The following CHST11 variants were observed in gnomAD, a reference collection of about 807,000 sequenced individuals.
The protein encoded by CHST11 is C4S-1.
Under a neutral mutation model 30.4 loss-of-function variants are expected in CHST11, and 9 were observed. The observed-to-expected ratio is 0.30, with a 90% CI of 0.18 to 0.52. The LOEUF (loss-of-function observed/expected upper bound fraction) is 0.52. CHST11 is among the 20% of genes least tolerant of loss of function. CHST11 has a pLI of 0.97. For missense variants in CHST11, 348 were observed against 460.6 expected (o/e 0.76, Z 2.24); for synonymous variants, 152 against 187.8 (o/e 0.81, Z 1.56).
At chr12:104,521,936 G>A (rs1416520003) in intron 1 of CHST11, among the ~76,000 whole-genome samples, 6 of 152,058 alleles carry the variant, frequency 3.9e-5, no homozygotes, top group Non-Finnish European at 7.3e-5. Context: ...GAAATTGTTT[G>A]GCCTAGTTCC....
chr12:104,476,168 A>C (rs1372959456), intron 1 of CHST11, among the ~76,000 whole-genome samples: 1 of 141,990 alleles, frequency 7.0e-6, no homozygotes, highest in Non-Finnish European at 1.5e-5. Flanking sequence ...AAATAAATAG[A>C]ATTATAATTA....
chr12:104,716,991 G>A (rs1489391532), intron 2 of CHST11, among the ~76,000 whole-genome samples: 3 of 152,196 alleles, frequency 2.0e-5, no homozygotes, highest in South Asian at 2.1e-4. Flanking sequence ...CTCAGAGCCG[G>A]CAATGGCCAG....
chr12:104,759,879 T>C lies in CHST11; in HGVS notation c.*2076T>C, dbSNP rs1430617079. The C allele has an allele frequency of 6.6e-6, 1 of 152,250 alleles. No homozygotes were observed. Among genetic ancestry groups the C allele is most frequent in the African/African-American group, 2.4e-5 (1 of 41,466 alleles). The allele number at this position is 152,250 out of a possible 1,614,324, so 9.4% of individuals were successfully genotyped here. On this transcript the variant is annotated 3_prime_UTR_variant, in exon 3 of 3. Coordinates refer to ENST00000303694, the MANE Select transcript of CHST11 (RefSeq NM_018413.6). ...CCTTATTTCCAGGCAGAGAACACTG[T>C]CCTCAGAAATGGGACTTCTGATAAT...
At chr12:104,494,675 A>AT (rs1452353794) in intron 1 of CHST11, among the ~76,000 whole-genome samples, 19 of 152,226 alleles carry the variant, frequency 1.2e-4, no homozygotes. Flanking sequence ...CGAATTCAGA[A>AT]TAATAACTGT....
At chr12:104,661,436 G>A (rs1022004331) in intron 2 of CHST11, among the ~76,000 whole-genome samples, 4 of 152,258 alleles carry the variant, frequency 2.6e-5, no homozygotes, top group African/African-American at 9.6e-5. Flanking sequence ...TTAGCTGGAT[G>A]TGGTGGTATG....
rs142944191 is a variant in CHST11, at chr12:104,597,377, T to C, written c.119-4529T>C. 7.0e-3 allele frequency among the ~76,000 whole-genome samples: 1,068 copies of C among 152,204 alleles called. 7 individuals carry two copies. The highest frequency in any genetic ancestry group is 0.011 in the Non-Finnish European group (735 of 67,990). On this transcript the variant is annotated intron_variant, in intron 1 of 2. Coordinates refer to ENST00000303694, the MANE Select transcript of CHST11 (RefSeq NM_018413.6). ...TGTTGTGGCTAAATAAAACTCCCAG[T>C]GGGCGGGGTGGACAGCAGAAGCCTG...
intron 2 of CHST11, among the ~76,000 whole-genome samples, chr12:104,675,734 A>G (rs905974916): frequency 2.0e-4 from 31 of 152,236 alleles, no homozygotes; most frequent in African/African-American, 7.5e-4. Context: ...GGGATTAATA[A>G]CATTGCCATT....
chr12:104,587,879 A>T (rs1650132), intron 1 of CHST11, among the ~76,000 whole-genome samples: 1 of 143,450 alleles, frequency 7.0e-6, no homozygotes, highest in Non-Finnish European at 1.5e-5. Context: ...TCACTCTGTC[A>T]CCCGGGCTGG....
At chr12:104,705,884 C>T (rs1457354918) in intron 2 of CHST11, among the ~76,000 whole-genome samples, 1 of 151,308 alleles carries the variant, frequency 6.6e-6, no homozygotes, top group Non-Finnish European at 1.5e-5. Flanking sequence ...CGCACCACTG[C>T]CTGGGAGACA....
At chr12:104,728,990 C>A (rs545032848) in intron 2 of CHST11, among the ~76,000 whole-genome samples, 1 of 152,246 alleles carries the variant, frequency 6.6e-6, no homozygotes, top group Admixed American at 6.5e-5. Context: ...AAAACATACC[C>A]CAAAAAGCTG....
At chr12:104,723,687 C>T (rs1451577422) in intron 2 of CHST11, among the ~76,000 whole-genome samples, 1 of 152,194 alleles carries the variant, frequency 6.6e-6, no homozygotes, top group Non-Finnish European at 1.5e-5. Context: ...GCCTTGCTCA[C>T]CCTGGCCAGG....
intron 2 of CHST11, among the ~76,000 whole-genome samples, chr12:104,715,080 A>G (rs2040119901): frequency 6.6e-6 from 1 of 152,118 alleles, no homozygotes; most frequent in Non-Finnish European, 1.5e-5. Flanking sequence ...TAAAATAAAG[A>G]CAGGCCGGGC....
intron 1 of CHST11, among the ~76,000 whole-genome samples, chr12:104,539,244 GCCTGCTGTGT>G (rs1389362183): frequency 2.6e-5 from 4 of 152,154 alleles, no homozygotes; most frequent in African/African-American, 9.7e-5. Flanking sequence ...TCCAGCACTT[GCCTGCTGTGT>G]GACCTTGGGC....
chr12:104,684,142 C>A lies in CHST11; in HGVS notation c.205-72807C>A, dbSNP rs556129198. On this transcript the variant is annotated intron_variant, in intron 2 of 2. Coordinates refer to ENST00000303694, the MANE Select transcript of CHST11 (RefSeq NM_018413.6). The stretch of plus-strand genomic sequence containing the variant: ...TGGTGGCATTATTTATGAGAAAGGA[C>A]TCCTCTTGCAAAACTGTGCGTAGAC... 5.9e-5 allele frequency among the ~76,000 whole-genome samples: 9 copies of A among 152,356 alleles called. No homozygotes were observed. The East Asian group carries it at 1.7e-3, about 29-fold the overall frequency.
intron 2 of CHST11, among the ~76,000 whole-genome samples, chr12:104,626,409 T>G (rs995730051): frequency 1.3e-5 from 2 of 152,122 alleles, no homozygotes; most frequent in African/African-American, 4.8e-5. Flanking sequence ...CCAGAACTTT[T>G]GTCTATTCAT....
At chr12:104,544,769 T>TCCCCCC (rs199741884) in intron 1 of CHST11, among the ~76,000 whole-genome samples, 4 of 51,464 alleles carry the variant, frequency 7.8e-5, no homozygotes, top group African/African-American at 1.6e-4. Context: ...GGGGTCACAG[T>TCCCCCC]CCCCCCACCC....
rs185656850 is a variant in CHST11 at position 104,659,293 on chromosome 12, C to T, written c.204+57302C>T. ...CATCTGCAAAGTGGGGTGACAGTCT[C>T]TTAGGGTTGTTTAGGGAGGATTCCT... On this transcript the variant is annotated intron_variant, in intron 2 of 2. Coordinates refer to ENST00000303694, the MANE Select transcript of CHST11 (RefSeq NM_018413.6). Among the ~76,000 whole-genome samples the T allele has an allele frequency of 2.6e-5, 4 of 152,316 alleles. No homozygotes were observed. The East Asian group carries it at 5.8e-4, about 22-fold the overall frequency.
In CHST11 at chr12:104,457,021, G is replaced by C. The variant is rs1314729348; in HGVS notation, c.-391G>C. 1 of 165,358 alleles carries C rather than the reference G, an allele frequency of 6.0e-6. No homozygotes were observed. Among genetic ancestry groups the C allele is most frequent in the Non-Finnish European group, 1.3e-5 (1 of 77,294 alleles). 10.2% of individuals were successfully genotyped at this position (165,358 alleles called of 1,614,324 possible). On this transcript the variant is annotated 5_prime_UTR_variant, in exon 1 of 3. Transcript: ENST00000303694. The stretch of plus-strand genomic sequence containing the variant: ...AAGTAGCCTTTGGAGAGAAGGGAGA[G>C]GGCCCGTCGGACAGCCACAGCGGCC...
chr12:104,733,210 TG>T (rs2040270940), intron 2 of CHST11, among the ~76,000 whole-genome samples: 1 of 152,232 alleles, frequency 6.6e-6, no homozygotes, highest in African/African-American at 2.4e-5. Context: ...AATGTAGCTG[TG>T]GAGGGCATGA....
Sources: gnomAD v4.1 joint callset for allele counts (sites outside exome capture counted in the v4.1 genomes callset) on GRCh38, gnomAD v4.1.1 for gene constraint, MANE v1.5 for transcripts, NCBI Gene and HGNC (gene_info 2026-07-23, HGNC 2026-07-21) for gene names.